Variants in NEK6 observed in about 807,000 individuals in gnomAD.
NEK6 encodes the protein serine/threonine-protein kinase Nek6.
In NEK6, 27 loss-of-function variants were observed where a neutral mutation model predicts 43.5. That is an observed-to-expected ratio of 0.62 (90% CI 0.46 to 0.86). The LOEUF (loss-of-function observed/expected upper bound fraction) is 0.86, where lower values mean the gene tolerates loss of function less well. Among genes scored for constraint, NEK6 ranks in the 40% least tolerant of loss-of-function variants. NEK6 has a pLI of 0.00. For missense variants in NEK6, 318 were observed against 414.4 expected (o/e 0.77, Z 2.02); for synonymous variants, 167 against 164.1 (o/e 1.02, Z -0.14).
chr9:124,337,058 G>C (rs1192675898), intron 7 of NEK6, among the ~76,000 whole-genome samples: 2 of 152,012 alleles, frequency 1.3e-5, no homozygotes, highest in Non-Finnish European at 1.5e-5. Flanking sequence ...TCAATGGGCT[G>C]ATAGGAGAAT....
chr9:124,271,500 C>A (rs1322862290), intron 1 of NEK6, among the ~76,000 whole-genome samples: 1 of 152,242 alleles, frequency 6.6e-6, no homozygotes, highest in Non-Finnish European at 1.5e-5. Context: ...AAGTACTTTC[C>A]GTGTGTTGCC....
chr9:124,284,199 A>C (rs1028178317), intron 1 of NEK6, among the ~76,000 whole-genome samples: 1 of 152,192 alleles, frequency 6.6e-6, no homozygotes, highest in Non-Finnish European at 1.5e-5. Flanking sequence ...AAATACAAAA[A>C]TTAGCCAGGT....
chr9:124,289,165 A>C (rs1588463619), intron 1 of NEK6, among the ~76,000 whole-genome samples: 2 of 34,342 alleles, frequency 5.8e-5, no homozygotes, highest in African/African-American at 1.7e-4. Context: ...CTTTGATTGG[A>C]CACCCCCCCC....
intron 7 of NEK6, among the ~76,000 whole-genome samples, chr9:124,333,700 G>C (rs960925986): frequency 1.3e-4 from 20 of 152,002 alleles, no homozygotes; most frequent in African/African-American, 4.8e-4. Flanking sequence ...CCCAGGTCTG[G>C]AGTTGGACTG....
At chr9:124,285,180 T>G (rs1832098932) in intron 1 of NEK6, among the ~76,000 whole-genome samples, 1 of 152,186 alleles carries the variant, frequency 6.6e-6, no homozygotes, top group African/African-American at 2.4e-5. Context: ...CGAGGCATAT[T>G]TTACAGGCTT....
At chr9:124,323,009 C>T (rs1335925623) in intron 5 of NEK6, among the ~76,000 whole-genome samples, 2 of 150,334 alleles carry the variant, frequency 1.3e-5, no homozygotes. Flanking sequence ...CTCTCCCCCG[C>T]CCCCGCTTTA....
At chr9:124,344,383 C>T (rs928136892) in intron 8 of NEK6, among the ~76,000 whole-genome samples, 2 of 152,370 alleles carry the variant, frequency 1.3e-5, no homozygotes, top group East Asian at 1.9e-4. Flanking sequence ...CGAGGACCTC[C>T]TGTGGCCACC....
At position 124,313,556 on chromosome 9, in the gene NEK6, C is replaced by T. The variant is rs531330218; in HGVS notation, c.232-367C>T. Reference sequence around the variant, plus strand: ...CTAATTTTTATATTTTTAGTAGAGACGGGGTTTCACCATGTTGGCCAGGCT... The same window carrying T: ...CTAATTTTTATATTTTTAGTAGAGATGGGGTTTCACCATGTTGGCCAGGCT... On this transcript the variant is annotated intron_variant, in intron 3 of 9. Coordinates refer to ENST00000320246, the MANE Select transcript of NEK6 (RefSeq NM_014397.6). Among the ~76,000 whole-genome samples the T allele has an allele frequency of 3.9e-5, 6 of 152,178 alleles. No homozygotes were observed. The East Asian group carries it at 9.7e-4, about 25-fold the overall frequency.
chr9:124,334,232 T>C (rs547277751), intron 7 of NEK6, among the ~76,000 whole-genome samples: 9 of 152,206 alleles, frequency 5.9e-5, no homozygotes, highest in African/African-American at 2.2e-4. Flanking sequence ...GGTGGCTGGC[T>C]GGATGGATGG....
At chr9:124,269,489 G>A (rs957878147) in intron 1 of NEK6, among the ~76,000 whole-genome samples, 2 of 151,656 alleles carry the variant, frequency 1.3e-5, no homozygotes, top group African/African-American at 4.8e-5. Context: ...TTCTCCTGCC[G>A]CAGCCTCCCG....
chr9:124,346,240 C>G (rs1432991075), intron 8 of NEK6, among the ~76,000 whole-genome samples: 2 of 152,210 alleles, frequency 1.3e-5, no homozygotes, highest in Non-Finnish European at 2.9e-5. Context: ...CATCTGCAAA[C>G]CCAAGGATGG....
At chr9:124,341,051 T>C (rs1231250403) in intron 8 of NEK6, among the ~76,000 whole-genome samples, 1 of 152,168 alleles carries the variant, frequency 6.6e-6, no homozygotes, top group Non-Finnish European at 1.5e-5. Context: ...ATCTTTCTTT[T>C]GTTTTTTTGA....
intron 1 of NEK6, among the ~76,000 whole-genome samples, chr9:124,286,052 A>C (rs1832142484): frequency 6.6e-6 from 1 of 152,118 alleles, no homozygotes; most frequent in Admixed American, 6.5e-5. Context: ...CATGACTCCT[A>C]GTCTCGTGAA....
chr9:124,349,570 T>C (rs1057036877), intron 9 of NEK6, among the ~76,000 whole-genome samples: 1 of 152,232 alleles, frequency 6.6e-6, no homozygotes, highest in Non-Finnish European at 1.5e-5. Flanking sequence ...TTTAAAGTTA[T>C]ATCGCTGCTT....
At chr9:124,298,331 A>G (rs549928122) in intron 1 of NEK6, among the ~76,000 whole-genome samples, 1 of 151,340 alleles carries the variant, frequency 6.6e-6, no homozygotes, top group South Asian at 2.1e-4. Context: ...GGGAACATCA[A>G]CACCTGCCGG....
At chr9:124,272,397 G>A (rs367826839) in intron 1 of NEK6, among the ~76,000 whole-genome samples, 1 of 152,250 alleles carries the variant, frequency 6.6e-6, no homozygotes, top group Non-Finnish European at 1.5e-5. Flanking sequence ...ACAAGAAACC[G>A]GTGCAGGGTT....
At chr9:124,296,700 TC>T (rs1832706991) in intron 1 of NEK6, among the ~76,000 whole-genome samples, 1 of 152,084 alleles carries the variant, frequency 6.6e-6, no homozygotes, top group Non-Finnish European at 1.5e-5. Flanking sequence ...CCAAACCTGC[TC>T]CAAGCAGGGT....
intron 1 of NEK6, among the ~76,000 whole-genome samples, chr9:124,262,263 T>C (rs1831061840): frequency 6.6e-6 from 1 of 152,258 alleles, no homozygotes; most frequent in African/African-American, 2.4e-5. Flanking sequence ...CTCATTCCTG[T>C]CTGAGCTGGT....
chr9:124,296,420 C>A (rs1209340332), intron 1 of NEK6, among the ~76,000 whole-genome samples: 1 of 152,192 alleles, frequency 6.6e-6, no homozygotes, highest in Non-Finnish European at 1.5e-5. Context: ...AGTGGGTTCT[C>A]CCTGGGCTTG....
Sources: allele counts gnomAD v4.1 joint callset (sites outside exome capture counted in the v4.1 genomes callset), GRCh38; gene constraint gnomAD v4.1.1; transcripts MANE v1.5; gene names NCBI Gene and HGNC (gene_info 2026-07-23, HGNC 2026-07-21).